The following NR3C1 variants were observed in gnomAD, a reference collection of about 807,000 sequenced individuals.
The protein encoded by NR3C1 is nuclear receptor subfamily 3 group C member 1, also known as glucocorticoid receptor.
In NR3C1, 14 loss-of-function variants were observed where a neutral mutation model predicts 74.0. The observed-to-expected ratio is 0.19, with a 90% confidence interval of 0.12 to 0.30. The LOEUF is 0.30. Ranked by LOEUF, NR3C1 falls within the 10% of genes least tolerant of loss-of-function variation. The probability of loss-of-function intolerance (pLI) is 1.00; values close to 1 mark genes in which losing one functional copy is unlikely to be tolerated. For synonymous variants in NR3C1, 308 were observed against 332.5 expected, an observed-to-expected ratio of 0.93 and a Z score of 0.80; for missense variants, 695 against 909.8, an observed-to-expected ratio of 0.76 and a Z score of 3.04.
intron 2 of NR3C1, among the ~76,000 whole-genome samples, chr5:143,392,684 C>A (rs779197218): frequency 6.6e-6 from 1 of 152,054 alleles, no homozygotes; most frequent in Admixed American, 6.5e-5. Context: ...GAGATGAATG[C>A]ATGCAAAGTG....
intron 1 of NR3C1, among the ~76,000 whole-genome samples, chr5:143,424,675 G>A (rs556065559): frequency 1.2e-4 from 19 of 152,240 alleles, no homozygotes; most frequent in Non-Finnish European, 2.2e-4. Flanking sequence ...AGATATGTAT[G>A]TGTACAATGT....
intron 2 of NR3C1, among the ~76,000 whole-genome samples, chr5:143,367,707 T>C (rs1332587804): frequency 6.6e-6 from 1 of 152,218 alleles, no homozygotes; most frequent in Non-Finnish European, 1.5e-5. Flanking sequence ...AAGACTTTTA[T>C]ATTGAAAACT....
intron 3 of NR3C1, among the ~76,000 whole-genome samples, chr5:143,311,102 T>C (rs1365395481): frequency 2.6e-5 from 4 of 152,364 alleles, no homozygotes; most frequent in Middle Eastern, 6.8e-3. Flanking sequence ...CAAATATCTG[T>C]ACCAGCTGTT....
upstream of NR3C1, among the ~76,000 whole-genome samples, chr5:143,406,029 A>G (rs1430222187): frequency 1.3e-5 from 2 of 152,174 alleles, no homozygotes; most frequent in Non-Finnish European, 2.9e-5. Flanking sequence ...AAAGTGAGTT[A>G]AATAGCCCAT....
chr5:143,430,952 C>A (rs1346890418), intron 1 of NR3C1, among the ~76,000 whole-genome samples: 1 of 152,178 alleles, frequency 6.6e-6, no homozygotes, highest in African/African-American at 2.4e-5. Flanking sequence ...ATAAGTAATT[C>A]TGCTTAGGAA....
At chr5:143,339,098 T>G (rs1006666371) in intron 2 of NR3C1, among the ~76,000 whole-genome samples, 41 of 152,184 alleles carry the variant, frequency 2.7e-4, no homozygotes, top group African/African-American at 9.2e-4. Context: ...ACCATTCAGA[T>G]TTGTGTAAGT....
intron 7 of NR3C1, chr5:143,294,195 G>A (rs555867415): frequency 5.4e-4 from 528 of 984,938 alleles, no homozygotes; most frequent in Non-Finnish European, 6.1e-4. Flanking sequence ...ACAGTCTTGT[G>A]CAACATCCAT....
chr5:143,405,952 A>C (rs1290211649), upstream of NR3C1, among the ~76,000 whole-genome samples: 1 of 152,112 alleles, frequency 6.6e-6, no homozygotes, highest in African/African-American at 2.4e-5. Flanking sequence ...TTTGGCCCCT[A>C]AACTACCAAC....
At chr5:143,359,152 C>A (rs1831762725) in intron 2 of NR3C1, among the ~76,000 whole-genome samples, 1 of 152,156 alleles carries the variant, frequency 6.6e-6, no homozygotes. Flanking sequence ...TACCCTAAAA[C>A]CTCACTGTGT....
chr5:143,401,892 A>G lies in NR3C1; in HGVS notation c.-13-1040T>C, dbSNP rs138566036. On this transcript the variant is annotated intron_variant, in intron 1 of 8. Transcript: ENST00000394464. ...CCTATCCAAACCTTCACCTATCCCA[A>G]TTCTCAGCCTATTCTCAAGAGAGTA... Among the ~76,000 whole-genome samples the G allele has an allele frequency of 4.6e-5, 7 of 152,354 alleles. No individual in the cohort carries two copies. The East Asian group carries it at 1.3e-3, about 29-fold the overall frequency.
At position 143,278,640 on chromosome 5, in the gene NR3C1, G is replaced by A. The variant is rs959121631; in HGVS notation, c.*3249C>T. 1.3e-5 allele frequency: 2 copies of A among 152,116 alleles called. No individual in the cohort carries two copies. Among genetic ancestry groups the A allele is most frequent in the African/African-American group, 4.8e-5 (2 of 41,398 alleles). The allele number at this position is 152,116 out of a possible 1,614,324, so 9.4% of individuals were successfully genotyped here. On this transcript the variant is annotated 3_prime_UTR_variant, in exon 9 of 9. Transcript: ENST00000394464. ...CAGTCAGGGAGTGACCAGCCAAGAT[G>A]GAAATCTCACTGAAGGCTACCATGG...
chr5:143,422,453 C>T (rs1456363885), intron 1 of NR3C1, among the ~76,000 whole-genome samples: 3 of 152,190 alleles, frequency 2.0e-5, no homozygotes, highest in Admixed American at 6.5e-5. Flanking sequence ...TTCTGAATGT[C>T]TGTGTCCTTT....
chr5:143,333,233 G>A, intron 2 of NR3C1: 2 of 1,429,912 alleles, frequency 1.4e-6, no homozygotes, highest in African/African-American at 1.4e-5. Flanking sequence ...TCCGTCAGCT[G>A]AACTAGACCC....
At chr5:143,332,926 C>A in intron 2 of NR3C1, 1 of 1,559,882 alleles carries the variant, frequency 6.4e-7, no homozygotes, top group Non-Finnish European at 8.7e-7. Context: ...TGGGGATTTC[C>A]AAATCTGAAG....
At chr5:143,433,460 A>ATATATCATTTATTTATTTAAAT (rs1751957766) in intron 1 of NR3C1, among the ~76,000 whole-genome samples, 1 of 146,004 alleles carries the variant, frequency 6.8e-6, no homozygotes, top group African/African-American at 2.5e-5. Context: ...AATTATATAT[A>ATATATCATTTATTTATTTAAAT]TATATATATA....
At chr5:143,432,412 T>C (rs1751874153) in intron 1 of NR3C1, among the ~76,000 whole-genome samples, 1 of 152,176 alleles carries the variant, frequency 6.6e-6, no homozygotes. Context: ...GACAGATTTC[T>C]AGTCCTGAGG....
In NR3C1 at chr5:143,400,494, C is replaced by T. The variant is rs202019957; in HGVS notation, c.346G>A (p.Glu116Lys). ...QQGQISLSSG[E>K]TDLKLLEESI... ...TCTTCCAAAAGCTTTAAGTCTGTTTCCCCCGAGGAAAGGCTGATTTGGCCC... is the reference window on the plus strand; with the variant it reads ...TCTTCCAAAAGCTTTAAGTCTGTTTTCCCCGAGGAAAGGCTGATTTGGCCC... The change falls in exon 2 of 9, where the codon GAA becomes AAA. Residue 116 changes from glutamate to lysine, a missense_variant. Physicochemically the swap from Glu to Lys is moderately conservative, Grantham distance 56. Coordinates refer to ENST00000394464, the MANE Select transcript of NR3C1 (RefSeq NM_000176.3). 40 of 1,614,072 alleles carry T rather than the reference C, an allele frequency of 2.5e-5. No homozygotes were observed. Among genetic ancestry groups the T allele is most frequent in the Non-Finnish European group, 3.2e-5 (38 of 1,180,038 alleles).
At chr5:143,433,223 A>C (rs1038415927) in intron 1 of NR3C1, among the ~76,000 whole-genome samples, 14 of 151,922 alleles carry the variant, frequency 9.2e-5, no homozygotes, top group African/African-American at 3.1e-4. Flanking sequence ...GTTACTAAGA[A>C]GCCCTAAGCC....
At chr5:143,358,536 T>A (rs1467501423) in intron 2 of NR3C1, among the ~76,000 whole-genome samples, 1 of 152,248 alleles carries the variant, frequency 6.6e-6, no homozygotes, top group African/African-American at 2.4e-5. Flanking sequence ...TTGCCTTTAG[T>A]TTTAATCAGT....
Sources: allele counts gnomAD v4.1 joint callset (sites outside exome capture counted in the v4.1 genomes callset), GRCh38; gene constraint gnomAD v4.1.1; transcripts MANE v1.5; gene names NCBI Gene and HGNC (gene_info 2026-07-23, HGNC 2026-07-21).